The following GRM8 variants were observed in gnomAD, a reference collection of about 807,000 sequenced individuals.
GRM8 encodes the protein metabotropic glutamate receptor 8.
Under a neutral mutation model 87.2 loss-of-function variants are expected in GRM8, and 47 were observed. The observed-to-expected ratio is 0.54, with a 90% CI of 0.43 to 0.69. The LOEUF (loss-of-function observed/expected upper bound fraction) is 0.69. GRM8 is among the 30% of genes least tolerant of loss of function. The pLI, the probability that GRM8 is intolerant of heterozygous loss-of-function variation, is 0.00. For missense variants in GRM8, 1,019 were observed against 1,139.2 expected, an observed-to-expected ratio of 0.89 and a Z score of 1.52; for synonymous variants, 396 against 404.5, an observed-to-expected ratio of 0.98 and a Z score of 0.25.
At chr7:127,005,116 G>C (rs1814145960) in intron 3 of GRM8, among the ~76,000 whole-genome samples, 1 of 117,206 alleles carries the variant, frequency 8.5e-6, no homozygotes, top group African/African-American at 4.4e-5. Flanking sequence ...TTACTGCTAG[G>C]AACTTTTTTT....
intron 3 of GRM8, among the ~76,000 whole-genome samples, chr7:127,052,111 A>C (rs1026604215): frequency 3.9e-5 from 6 of 152,206 alleles, no homozygotes; most frequent in African/African-American, 1.4e-4. Flanking sequence ...AAGAAAAAAA[A>C]ATCAGTTGGA....
At chr7:126,596,721 T>C (rs1013324013) in intron 8 of GRM8, among the ~76,000 whole-genome samples, 1 of 152,124 alleles carries the variant, frequency 6.6e-6, no homozygotes, top group African/African-American at 2.4e-5. Flanking sequence ...AAATACATAG[T>C]ATAAGCATAT....
intron 9 of GRM8, among the ~76,000 whole-genome samples, 191 bp downstream of exon 9, chr7:126,532,761 G>GGA (rs1222262612): frequency 1.2e-4 from 10 of 80,688 alleles, no homozygotes; most frequent in East Asian, 7.3e-4. Context: ...CTTGACGGAT[G>GGA]GAGATATATA....
At chr7:127,025,596 T>C (rs1044626221) in intron 3 of GRM8, among the ~76,000 whole-genome samples, 2 of 152,116 alleles carry the variant, frequency 1.3e-5, no homozygotes, top group African/African-American at 4.8e-5. Context: ...GGCCCTGTGC[T>C]AGGTGCAGGA....
At chr7:127,195,711 T>C (rs979926605) in intron 2 of GRM8, among the ~76,000 whole-genome samples, 4 of 152,134 alleles carry the variant, frequency 2.6e-5, no homozygotes, top group African/African-American at 9.7e-5. Context: ...GCCTCCTTTA[T>C]GAGCCTATCC....
At chr7:126,889,955 A>G (rs1800843310) in intron 6 of GRM8, among the ~76,000 whole-genome samples, 1 of 152,124 alleles carries the variant, frequency 6.6e-6, no homozygotes. Context: ...GGCTTTAAAA[A>G]TTGTTGTTCT....
intron 2 of GRM8, among the ~76,000 whole-genome samples, chr7:127,212,410 A>ATTGTTTTTTTTT (rs1796265035): frequency 1.0e-5 from 1 of 97,720 alleles, no homozygotes; most frequent in African/African-American, 4.5e-5. Context: ...ACATGGTGTT[A>ATTGTTTTTTTTT]TTTTTTTTTT....
intron 3 of GRM8, among the ~76,000 whole-genome samples, chr7:127,068,529 G>GA (rs769863481): frequency 7.2e-5 from 11 of 152,172 alleles, no homozygotes; most frequent in Non-Finnish European, 4.4e-5. Flanking sequence ...CAGGTTGAGG[G>GA]AAAACCTTCA....
chr7:126,643,322 ATATATATATATAT>A (rs1802675994), intron 7 of GRM8, among the ~76,000 whole-genome samples: 1 of 12,796 alleles, frequency 7.8e-5, no homozygotes, highest in East Asian at 3.1e-3. Context: ...AAAAAAAAAT[ATATATATATATAT>A]ATATATATAT....
intron 7 of GRM8, among the ~76,000 whole-genome samples, chr7:126,725,457 G>A (rs549830756): frequency 2.0e-5 from 3 of 152,066 alleles, no homozygotes; most frequent in African/African-American, 7.2e-5. Flanking sequence ...AAAGTGGAAG[G>A]AATACAGAAT....
At position 126,924,205 on chromosome 7, in the gene GRM8, A is replaced by G. The variant is rs150908275; in HGVS notation, c.728-19522T>C. ...GGCCCATGCCTGGCAAGGGGACTGT[A>G]TCCCAACTGACAGATAATTTGGGAT... is the stretch of plus-strand genomic sequence containing the variant. On this transcript the variant is annotated intron_variant, in intron 3 of 10. Transcript: ENST00000339582. Among the ~76,000 whole-genome samples the G allele has an allele frequency of 4.8e-4, 73 of 152,336 alleles. No individual in the cohort carries two copies. In the East Asian group the frequency reaches 9.3e-3, roughly 19 times the overall value.
At chr7:126,841,458 AG>A (rs1295574861) in intron 6 of GRM8, among the ~76,000 whole-genome samples, 1 of 152,114 alleles carries the variant, frequency 6.6e-6, no homozygotes, top group Non-Finnish European at 1.5e-5. Context: ...AGTCTTGGAT[AG>A]AAGGTATAAG....
intron 7 of GRM8, among the ~76,000 whole-genome samples, chr7:126,628,505 C>A (rs542769185): frequency 5.2e-4 from 79 of 152,258 alleles, no homozygotes; most frequent in African/African-American, 1.8e-3. Context: ...GAATATTATA[C>A]TGCAGTCAAA....
At chr7:126,731,171 A>G (rs558924216) in intron 7 of GRM8, among the ~76,000 whole-genome samples, 38 of 152,218 alleles carry the variant, frequency 2.5e-4, no homozygotes, top group African/African-American at 8.9e-4. Context: ...TGGTGTCCCA[A>G]TGGTAAAGCT....
chr7:126,618,492 A>G (rs1184558416), intron 7 of GRM8, among the ~76,000 whole-genome samples: 11 of 152,240 alleles, frequency 7.2e-5, no homozygotes, highest in Non-Finnish European at 1.2e-4. Context: ...CTAAAACACC[A>G]AAAGCAATGG....
At chr7:126,768,928 A>AAAAAAAAAAAAAAAAC (rs1554485615) in intron 7 of GRM8, among the ~76,000 whole-genome samples, 95 of 131,828 alleles carry the variant, frequency 7.2e-4, no homozygotes, top group African/African-American at 2.7e-3. Context: ...GGAAAAATGC[A>AAAAAAAAAAAAAAAAC]AAAAAAAAAA....
chr7:126,447,231 CT>C (rs1325046059), intron 9 of GRM8: 1 of 151,540 alleles, frequency 6.6e-6, no homozygotes, highest in African/African-American at 2.4e-5. Flanking sequence ...TTGGCTTTTT[CT>C]TTTTTGGTTA....
intron 3 of GRM8, among the ~76,000 whole-genome samples, chr7:126,938,381 T>A (rs1280018472): frequency 3.3e-5 from 5 of 152,142 alleles, no homozygotes; most frequent in Non-Finnish European, 7.3e-5. Flanking sequence ...TCTATGTTGT[T>A]TGAAGTATTA....
chr7:126,501,817 G>A (rs1277812231), intron 9 of GRM8, among the ~76,000 whole-genome samples: 1 of 151,966 alleles, frequency 6.6e-6, no homozygotes, highest in Non-Finnish European at 1.5e-5. Context: ...ATGGGGTCCA[G>A]GAAGAGTCGG....
Sources: allele counts gnomAD v4.1 joint callset (sites outside exome capture counted in the v4.1 genomes callset), GRCh38; gene constraint gnomAD v4.1.1; transcripts MANE v1.5; gene names NCBI Gene and HGNC (gene_info 2026-07-23, HGNC 2026-07-21).